Variants in ACACA observed in about 807,000 individuals in gnomAD.
ACACA encodes the protein acetyl-CoA carboxylase alpha.
In ACACA, 103 loss-of-function variants were observed where a neutral mutation model predicts 296.1. The observed-to-expected ratio is 0.35, with a 90% CI of 0.30 to 0.41. ACACA has a LOEUF of 0.41. Among genes scored for constraint, ACACA ranks in the 10% least tolerant of loss-of-function variants. The pLI, the probability that ACACA is intolerant of heterozygous loss-of-function variation, is 1.00. For synonymous variants in ACACA, 953 were observed against 1,038.6 expected (o/e 0.92, Z 1.58); for missense variants, 1,554 against 2,989.7 (o/e 0.52, Z 11.20).
intron 41 of ACACA, among the ~76,000 whole-genome samples, chr17:37,172,200 T>C (rs1381491137): frequency 6.6e-6 from 1 of 152,238 alleles, no homozygotes. Flanking sequence ...ATCTCTAGAC[T>C]TATTTTTGAA....
Position 37,283,387 on chromosome 17 carries a change from C to T in ACACA, c.490G>A (p.Gly164Ser). 3 of 1,613,948 alleles carry T rather than the reference C, an allele frequency of 1.9e-6. No homozygotes were observed. Among genetic ancestry groups the T allele is most frequent in the Middle Eastern group, 1.6e-4 (1 of 6,062 alleles). ...VIEKVLIANN[G>S]IAAVKCMRSI... ...CGCATGCATTTCACTGCTGCAATGCCATTGTTAGCAATAAGAACCTGGGAG... is the reference window on the plus strand; with the variant it reads ...CGCATGCATTTCACTGCTGCAATGCTATTGTTAGCAATAAGAACCTGGGAG... The change falls in exon 5 of 56, where the codon GGC becomes AGC. Residue 164 changes from glycine to serine, a missense_variant. This residue lies in a region of ACACA where 40 missense variants were observed against 92.2 expected (regional missense o/e 0.43). Coordinates refer to ENST00000616317, the MANE Select transcript of ACACA (RefSeq NM_198834.3).
intron 1 of ACACA, among the ~76,000 whole-genome samples, chr17:37,376,603 G>A (rs1275751812): frequency 6.6e-6 from 1 of 152,118 alleles, no homozygotes; most frequent in African/African-American, 2.4e-5. Context: ...CTGCTCTTTG[G>A]TAACTGCTTA....
At chr17:37,147,013 TC>T (rs1277119046) in intron 45 of ACACA, among the ~76,000 whole-genome samples, 1 of 152,096 alleles carries the variant, frequency 6.6e-6, no homozygotes, top group Non-Finnish European at 1.5e-5. Context: ...ATTTCAATTT[TC>T]AAAGGGGTCA....
chr17:37,385,923 T>G (rs973598030), intron 1 of ACACA: 2 of 864,106 alleles, frequency 2.3e-6, no homozygotes, highest in African/African-American at 3.4e-5. Context: ...AAGTTTACTA[T>G]CAGCTGGGCA....
At chr17:37,283,887 T>A (rs2082656350) in intron 4 of ACACA, among the ~76,000 whole-genome samples, 1 of 152,348 alleles carries the variant, frequency 6.6e-6, no homozygotes, top group East Asian at 1.9e-4. Context: ...TACCTTAGAA[T>A]TGTAGAGAAT....
At chr17:37,159,052 C>T (rs1012803006) in intron 42 of ACACA, among the ~76,000 whole-genome samples, 7 of 151,674 alleles carry the variant, frequency 4.6e-5, no homozygotes, top group African/African-American at 1.7e-4. Context: ...GTGGTGTGCG[C>T]CTGTAGTCCC....
intron 26 of ACACA, 21 bp from the exon 27 acceptor site, chr17:37,225,126 G>A: frequency 7.2e-7 from 1 of 1,391,650 alleles, no homozygotes; most frequent in East Asian, 2.3e-5. Context: ...AACAAAATAG[G>A]AGGCACACAT....
rs772831677 is a variant in ACACA at position 37,188,348 on chromosome 17, G to C, written c.4705C>G (p.Leu1569Val). 3.7e-6 allele frequency: 6 copies of C among 1,614,096 alleles called. No homozygotes were observed. The highest frequency in any genetic ancestry group is 4.2e-6 in the Non-Finnish European group (5 of 1,180,010). Residue 1569 changes from leucine (L) to valine (V), a missense_variant, in exon 39 of 56, where the codon CTG (leucine) becomes GTG (valine). Leu to Val is a conservative substitution (Grantham distance 32). This residue lies in a region of ACACA where 553 missense variants were observed against 1,043.6 expected (regional missense o/e 0.53). Transcript: ENST00000616317. ...AAGTAATAGCCAGACTCGTTTGTCAGGAAGAGGCGGATGGGAATTGCTTTT... is the reference window on the plus strand; with the variant it reads ...AAGTAATAGCCAGACTCGTTTGTCACGAAGAGGCGGATGGGAATTGCTTTT... ...TGKAIPIRLFLTNESGYYLDI... is the reference protein window; with the variant it reads ...TGKAIPIRLFVTNESGYYLDI...
At chr17:37,122,903 C>T (rs2074598140) in intron 48 of ACACA, 3 of 524,406 alleles carry the variant, frequency 5.7e-6, no homozygotes, top group East Asian at 3.6e-5. Context: ...GGAGCCTCTA[C>T]ATTTAGACTC....
At chr17:37,394,605 G>T (rs887539057) in intron 1 of ACACA, among the ~76,000 whole-genome samples, 2 of 151,242 alleles carry the variant, frequency 1.3e-5, no homozygotes, top group Non-Finnish European at 1.5e-5. Flanking sequence ...GGCCGGGCGC[G>T]GTGGCTCACG....
At chr17:37,164,502 GA>G (rs1173552179) in intron 41 of ACACA, among the ~76,000 whole-genome samples, 2 of 151,794 alleles carry the variant, frequency 1.3e-5, no homozygotes, top group Admixed American at 1.3e-4. Context: ...ATGATACACA[GA>G]AAAAAATCCA....
At chr17:37,142,338 C>G (rs2075626248) in intron 45 of ACACA, among the ~76,000 whole-genome samples, 1 of 152,158 alleles carries the variant, frequency 6.6e-6, no homozygotes, top group Non-Finnish European at 1.5e-5. Flanking sequence ...CTAATAGAGT[C>G]AAAACATAAC....
rs116692082 is a variant in ACACA, at chr17:37,229,757, C to T, written c.3247-3305G>A. On this transcript the variant is annotated intron_variant, in intron 25 of 55. Transcript: ENST00000616317. ...AAAACAACAGTATGTGTAAGAAAAGCGAACTATGGAGATTAGAAAAAATAA... is the reference window on the plus strand; with the variant it reads ...AAAACAACAGTATGTGTAAGAAAAGTGAACTATGGAGATTAGAAAAAATAA... Among the ~76,000 whole-genome samples the T allele has an allele frequency of 1.5e-3, 227 of 151,902 alleles. 1 individual carries two copies. The highest frequency in any genetic ancestry group is 5.1e-3 in the African/African-American group (210 of 41,392).
At chr17:37,390,255 A>T (rs1239756202) in intron 1 of ACACA, among the ~76,000 whole-genome samples, 3 of 72,628 alleles carry the variant, frequency 4.1e-5, no homozygotes, top group Admixed American at 4.9e-4. Context: ...TATATATATT[A>T]TATATAATTA....
chr17:37,390,320 A>ATC lies in ACACA; in HGVS notation c.38+15941_38+15942insGA, dbSNP rs1429328377. Among the ~76,000 whole-genome samples the ATC allele has an allele frequency of 1.1e-3, 51 of 47,950 alleles. 6 individuals carry two copies. Among genetic ancestry groups the ATC allele is most frequent in the East Asian group, 6.6e-3 (8 of 1,214 alleles). 31.5% of individuals were successfully genotyped at this position (47,950 alleles called of 152,430 possible). A position where few individuals can be genotyped will look rare whatever the true frequency, so the allele number is the denominator to read the frequency against. On this transcript the variant is annotated intron_variant, in intron 1 of 55. Coordinates refer to ENST00000616317, the MANE Select transcript of ACACA (RefSeq NM_198834.3). ...TATACATAATTATATATATATATAT[A>ATC]TATATATATATATAAAAGGCCAGCT...
intron 15 of ACACA, among the ~76,000 whole-genome samples, chr17:37,252,519 C>A (rs910044496): frequency 2.6e-5 from 4 of 152,094 alleles, no homozygotes; most frequent in African/African-American, 9.7e-5. Flanking sequence ...TTTAGCATAG[C>A]CCCAGGAATT....
intron 1 of ACACA, among the ~76,000 whole-genome samples, chr17:37,350,039 T>C (rs1568035733): frequency 6.6e-6 from 1 of 152,034 alleles, no homozygotes; most frequent in Non-Finnish European, 1.5e-5. Context: ...GCAATAGAAG[T>C]ATACAACAGG....
intron 1 of ACACA, chr17:37,367,166 C>G (rs1443435420): frequency 6.7e-6 from 1 of 149,876 alleles, no homozygotes; most frequent in Non-Finnish European, 1.5e-5. Flanking sequence ...TTTTCCAACA[C>G]AAGTCTTGTT....
At chr17:37,319,436 C>A (rs1380074783) in intron 3 of ACACA, among the ~76,000 whole-genome samples, 1 of 151,958 alleles carries the variant, frequency 6.6e-6, no homozygotes, top group Non-Finnish European at 1.5e-5. Context: ...AGGGAGTAAC[C>A]TTTGGGTGGC....
Sources: allele counts gnomAD v4.1 joint callset (sites outside exome capture counted in the v4.1 genomes callset), GRCh38; gene constraint gnomAD v4.1.1; regional missense constraint gnomAD v4.1.1; transcripts MANE v1.5; gene names NCBI Gene and HGNC (gene_info 2026-07-23, HGNC 2026-07-21).